Variants in KIAA1671 observed in about 807,000 individuals in gnomAD.
KIAA1671 encodes uncharacterized protein KIAA1671.
Under a neutral mutation model 131.2 loss-of-function variants are expected in KIAA1671, and 52 were observed. That is an observed-to-expected ratio of 0.40 (90% CI 0.32 to 0.50). KIAA1671 has a LOEUF of 0.50. Ranked by LOEUF, KIAA1671 falls within the 20% of genes least tolerant of loss-of-function variation. The pLI, the probability that KIAA1671 is intolerant of heterozygous loss-of-function variation, is 0.73. For missense variants in KIAA1671, 2,360 were observed against 2,364.2 expected, an observed-to-expected ratio of 1.00 and a Z score of 0.04; for synonymous variants, 1,003 against 961.6, an observed-to-expected ratio of 1.04 and a Z score of -0.80.
intron 6 of KIAA1671, among the ~76,000 whole-genome samples, chr22:25,109,774 G>A (rs1931237736): frequency 6.6e-6 from 1 of 152,198 alleles, no homozygotes; most frequent in Admixed American, 6.5e-5. Context: ...TCTATGCAGT[G>A]CCTGGCTCAG....
chr22:25,073,097 C>G (rs958782225), intron 6 of KIAA1671, among the ~76,000 whole-genome samples: 2 of 152,156 alleles, frequency 1.3e-5, no homozygotes, highest in Admixed American at 6.6e-5. Flanking sequence ...GAGATAGGGT[C>G]TCACTCTGTC....
At chr22:24,965,536 C>G (rs752467449) in intron 1 of KIAA1671, among the ~76,000 whole-genome samples, 21 of 151,528 alleles carry the variant, frequency 1.4e-4, no homozygotes, top group Non-Finnish European at 2.8e-4. Flanking sequence ...GTCAGGAGTT[C>G]AAGACCAGCC....
intron 11 of KIAA1671, among the ~76,000 whole-genome samples, chr22:25,187,757 C>G (rs1253793466): frequency 6.6e-6 from 1 of 152,168 alleles, no homozygotes; most frequent in African/African-American, 2.4e-5. Flanking sequence ...CTCTGCCTCC[C>G]AAAGTGCTAG....
At chr22:25,107,020 C>T (rs997176015) in intron 6 of KIAA1671, among the ~76,000 whole-genome samples, 2 of 152,178 alleles carry the variant, frequency 1.3e-5, no homozygotes, top group African/African-American at 4.8e-5. Context: ...ACAGTGCCCC[C>T]CCACCCCAAC....
chr22:25,102,129 C>T (rs1230327176), intron 6 of KIAA1671, among the ~76,000 whole-genome samples: 1 of 152,204 alleles, frequency 6.6e-6, no homozygotes, highest in African/African-American at 2.4e-5. Flanking sequence ...GGATTAACAT[C>T]TGTCCAGTTT....
chr22:24,964,355 CA>C (rs2123802717), intron 1 of KIAA1671, among the ~76,000 whole-genome samples: 1 of 151,940 alleles, frequency 6.6e-6, no homozygotes, highest in African/African-American at 2.4e-5. Flanking sequence ...ACAAACCCCA[CA>C]AAAAACAAAA....
chr22:25,099,537 GTTTTTTTGTTTTTTTT>G (rs1464866251), intron 6 of KIAA1671, among the ~76,000 whole-genome samples: 35 of 112,112 alleles, frequency 3.1e-4, no homozygotes, highest in Admixed American at 1.2e-3. Flanking sequence ...CAAAATGTGG[GTTTTTTTGTTTTTTTT>G]TTTTTTTTTT....
intron 6 of KIAA1671, among the ~76,000 whole-genome samples, chr22:25,097,205 T>C (rs1457944348): frequency 6.6e-6 from 1 of 152,194 alleles, no homozygotes; most frequent in Non-Finnish European, 1.5e-5. Context: ...CCTGTCAAAG[T>C]ATTTGTAGCA....
chr22:25,093,833 TGTCTG>T (rs1930248014), intron 6 of KIAA1671, among the ~76,000 whole-genome samples: 5 of 71,246 alleles, frequency 7.0e-5, no homozygotes, highest in Admixed American at 1.5e-4. Flanking sequence ...TTTCTCTCTC[TGTCTG>T]TCTCTCTCTC....
At chr22:25,081,509 A>C (rs1180768334) in intron 6 of KIAA1671, among the ~76,000 whole-genome samples, 1 of 152,144 alleles carries the variant, frequency 6.6e-6, no homozygotes, top group African/African-American at 2.4e-5. Flanking sequence ...CAAGGGAGGA[A>C]TTGAACCCAC....
Position 25,195,662 on chromosome 22 carries a change from A to T in KIAA1671, c.*3261A>T, listed in dbSNP as rs1934801557. ...CAAAGGATTTAGAAAGACCCTTAGC[A>T]TGATTTTCCTAAAAGAGACCTTAGC... is the stretch of plus-strand genomic sequence containing the variant. On this transcript the variant is annotated 3_prime_UTR_variant, in exon 13 of 13. Coordinates refer to ENST00000358431, the MANE Select transcript of KIAA1671 (RefSeq NM_001145206.2). 6.6e-6 allele frequency: 1 copy of T among 152,210 alleles called. No homozygotes were observed. The highest frequency in any genetic ancestry group is 2.4e-5 in the African/African-American group (1 of 41,464). The allele number at this position is 152,210 out of a possible 1,614,324, so 9.4% of individuals were successfully genotyped here.
chr22:25,025,759 C>T lies in KIAA1671; in HGVS notation c.-81C>T, dbSNP rs1322079781. 1 of 152,264 alleles carries T rather than the reference C, an allele frequency of 6.6e-6. No homozygotes were observed. The highest frequency in any genetic ancestry group is 1.5e-5 in the Non-Finnish European group (1 of 68,114). 9.4% of individuals were successfully genotyped at this position (152,264 alleles called of 1,614,324 possible). ...ACTGGCTTTTCCCGGCAGTCACACC[C>T]CCTGACCCAGGGCCTGCCAGCTTGG... On this transcript the variant is annotated 5_prime_UTR_variant, in exon 2 of 13. Coordinates refer to ENST00000358431, the MANE Select transcript of KIAA1671 (RefSeq NM_001145206.2).
At chr22:24,985,409 G>A (rs1423481669) in intron 1 of KIAA1671, among the ~76,000 whole-genome samples, 2 of 149,674 alleles carry the variant, frequency 1.3e-5, no homozygotes, top group African/African-American at 2.4e-5. Context: ...GTGCGATCTC[G>A]GCTCACTGCA....
At chr22:25,184,107 A>C (rs910209044) in intron 10 of KIAA1671, among the ~76,000 whole-genome samples, 1 of 152,224 alleles carries the variant, frequency 6.6e-6, no homozygotes, top group African/African-American at 2.4e-5. Context: ...CTACCACAGC[A>C]GTGCTAGGCG....
intron 11 of KIAA1671, among the ~76,000 whole-genome samples, chr22:25,189,126 C>CTTTTTTTTTTTT (rs200226589): frequency 2.6e-4 from 30 of 114,844 alleles, no homozygotes; most frequent in South Asian, 5.9e-4. Flanking sequence ...CAGTCTTTTT[C>CTTTTTTTTTTTT]TTTTTTTTTT....
intron 6 of KIAA1671, among the ~76,000 whole-genome samples, chr22:25,145,299 A>G (rs1045723153): frequency 6.6e-6 from 1 of 152,196 alleles, no homozygotes; most frequent in Non-Finnish European, 1.5e-5. Context: ...TAGCAGCATC[A>G]ATGGCGTAGG....
At chr22:25,117,585 C>CACACACACA (rs1931730649) in intron 6 of KIAA1671, among the ~76,000 whole-genome samples, 7 of 123,896 alleles carry the variant, frequency 5.6e-5, no homozygotes, top group Non-Finnish European at 9.9e-5. Context: ...TCTCCCCCAA[C>CACACACACA]CACACACACA....
chr22:25,117,909 C>T (rs372472482), intron 6 of KIAA1671, among the ~76,000 whole-genome samples: 35 of 152,022 alleles, frequency 2.3e-4, no homozygotes, highest in African/African-American at 2.2e-4. Context: ...GAGGCCGAGG[C>T]GGGCGGATCA....
chr22:24,967,862 G>A (rs959148009), intron 1 of KIAA1671, among the ~76,000 whole-genome samples: 24 of 152,204 alleles, frequency 1.6e-4, no homozygotes, highest in South Asian at 8.3e-4. Flanking sequence ...GCGTGGTGGC[G>A]GGTGCCTGTA....
Sources: allele counts gnomAD v4.1 joint callset (sites outside exome capture counted in the v4.1 genomes callset), GRCh38; gene constraint gnomAD v4.1.1; transcripts MANE v1.5; gene names NCBI Gene and HGNC (gene_info 2026-07-23, HGNC 2026-07-21).